Variants in DLGAP2 observed in about 807,000 individuals in gnomAD.
DLGAP2 encodes disks large-associated protein 2.
A neutral mutation model predicts 100.3 loss-of-function variants in DLGAP2; 26 were observed. That is an observed-to-expected ratio of 0.26 (90% confidence interval 0.19 to 0.36). The LOEUF is 0.36. Ranked by LOEUF, DLGAP2 falls within the 10% of genes least tolerant of loss-of-function variation. The pLI is 1.00. For synonymous variants in DLGAP2, 886 were observed against 630.1 expected (o/e 1.41, Z -6.08); for missense variants, 1,858 against 1,453.2 (o/e 1.28, Z -4.53).
chr8:1,161,650 G>A (rs888927566), intron 2 of DLGAP2, among the ~76,000 whole-genome samples: 3 of 152,198 alleles, frequency 2.0e-5, no homozygotes, highest in African/African-American at 7.2e-5. Flanking sequence ...GGGTTTGAAC[G>A]CCTGTAGGGA....
chr8:1,450,562 A>C (rs1050469373), intron 3 of DLGAP2, among the ~76,000 whole-genome samples: 1 of 151,876 alleles, frequency 6.6e-6, no homozygotes, highest in African/African-American at 2.4e-5. Context: ...GGCTGGCAGG[A>C]CTCGCCTTTC....
At chr8:1,579,191 C>G (rs906430747) in intron 6 of DLGAP2, among the ~76,000 whole-genome samples, 1 of 151,994 alleles carries the variant, frequency 6.6e-6, no homozygotes, top group African/African-American at 2.4e-5. Context: ...CTGGGTCATT[C>G]TCTAATGAAG....
intron 2 of DLGAP2, among the ~76,000 whole-genome samples, chr8:1,005,668 C>G (rs1321299930): frequency 1.3e-5 from 2 of 151,700 alleles, no homozygotes; most frequent in Non-Finnish European, 2.9e-5. Context: ...GATTCTCCTG[C>G]CTTGGACTCC....
intron 3 of DLGAP2, among the ~76,000 whole-genome samples, chr8:1,435,964 G>A (rs1242742340): frequency 6.6e-6 from 1 of 152,150 alleles, no homozygotes; most frequent in Non-Finnish European, 1.5e-5. Flanking sequence ...GCTGTACAAT[G>A]CATTTGTGTT....
chr8:1,131,152 A>G (rs528027081), intron 2 of DLGAP2, among the ~76,000 whole-genome samples: 1 of 152,102 alleles, frequency 6.6e-6, no homozygotes, highest in Non-Finnish European at 1.5e-5. Flanking sequence ...CTACCTTCAC[A>G]CGGTTCTCTG....
At chr8:861,857 T>C (rs952782200) in intron 1 of DLGAP2, among the ~76,000 whole-genome samples, 3 of 152,234 alleles carry the variant, frequency 2.0e-5, no homozygotes, top group Non-Finnish European at 4.4e-5. Flanking sequence ...CTTTATTCTT[T>C]GTTGATGATT....
intron 2 of DLGAP2, among the ~76,000 whole-genome samples, chr8:957,684 C>T (rs1799627239): frequency 6.6e-6 from 1 of 152,190 alleles, no homozygotes; most frequent in Non-Finnish European, 1.5e-5. Flanking sequence ...TCTCTAATGC[C>T]TTACCCTTGT....
intron 3 of DLGAP2, among the ~76,000 whole-genome samples, chr8:1,422,572 A>AG (rs201273578): frequency 2.6e-5 from 4 of 151,526 alleles, no homozygotes; most frequent in Non-Finnish European, 5.9e-5. Flanking sequence ...AAAAAAAAAA[A>AG]AAAAAGGTGT....
rs186505211 is a variant in DLGAP2 at position 1,414,639 on chromosome 8, C to T, written c.107-86727C>T. ...GCCCGGCAGCTGTCTCTGAGGATCCCGCCATCTACGCACGTCCAGGCGTCC... is the reference window on the plus strand; with the variant it reads ...GCCCGGCAGCTGTCTCTGAGGATCCTGCCATCTACGCACGTCCAGGCGTCC... On this transcript the variant is annotated intron_variant, in intron 3 of 14. Transcript: ENST00000637795. Among the ~76,000 whole-genome samples, 170 of 152,336 alleles carry T rather than the reference C, an allele frequency of 1.1e-3. 2 individuals carry two copies. Among genetic ancestry groups the T allele is most frequent in the African/African-American group, 3.6e-3 (151 of 41,578 alleles).
At chr8:1,250,127 C>A (rs1799005249) in intron 2 of DLGAP2, among the ~76,000 whole-genome samples, 1 of 152,192 alleles carries the variant, frequency 6.6e-6, no homozygotes, top group Non-Finnish European at 1.5e-5. Flanking sequence ...GATCTGCCTG[C>A]CTCAGCCTCC....
chr8:984,107 G>A (rs1800419691), intron 2 of DLGAP2, among the ~76,000 whole-genome samples: 1 of 152,160 alleles, frequency 6.6e-6, no homozygotes, highest in Non-Finnish European at 1.5e-5. Context: ...CCTCGTAGCA[G>A]GAAACTGTTT....
intron 2 of DLGAP2, among the ~76,000 whole-genome samples, chr8:1,087,925 G>T (rs1325411658): frequency 2.0e-5 from 3 of 152,224 alleles, no homozygotes; most frequent in Non-Finnish European, 4.4e-5. Context: ...CCCTGGCACA[G>T]TCCGCCCTCA....
At chr8:1,443,542 C>G (rs1349030115) in intron 3 of DLGAP2, among the ~76,000 whole-genome samples, 1 of 152,170 alleles carries the variant, frequency 6.6e-6, no homozygotes, top group Non-Finnish European at 1.5e-5. Flanking sequence ...TAAAGACAAA[C>G]CTGAGACTGG....
intron 8 of DLGAP2, among the ~76,000 whole-genome samples, chr8:1,644,616 G>C (rs998458596): frequency 6.6e-6 from 1 of 152,210 alleles, no homozygotes; most frequent in African/African-American, 2.4e-5. Flanking sequence ...CCCTGACCAG[G>C]AGCTCCAGCC....
intron 2 of DLGAP2, among the ~76,000 whole-genome samples, chr8:1,240,940 GGCGCCGTGTCT>G (rs1798778579): frequency 1.1e-4 from 1 of 9,294 alleles, no homozygotes; most frequent in Non-Finnish European, 2.6e-4. Flanking sequence ...TCTCTCACAT[GGCGCCGTGTCT>G]AGTTCTCTTA....
chr8:1,176,525 C>A (rs181430363), intron 2 of DLGAP2, among the ~76,000 whole-genome samples: 1 of 152,266 alleles, frequency 6.6e-6, no homozygotes, highest in African/African-American at 2.4e-5. Flanking sequence ...CCTGCCCTCA[C>A]AGCCGCCCTG....
In DLGAP2 at chr8:1,417,132, C is replaced by G. The variant is rs1047421381; in HGVS notation, c.107-84234C>G. Among the ~76,000 whole-genome samples, 21 of 151,416 alleles carry G rather than the reference C, an allele frequency of 1.4e-4. 1 individual carries two copies. The highest frequency in any genetic ancestry group is 5.1e-4 in the African/African-American group (21 of 41,130). On this transcript the variant is annotated intron_variant, in intron 3 of 14. Transcript: ENST00000637795. ...GGGAGACCCCCGTTCATTCATTTAG[C>G]GTCTGAGGCGGGGGAGACTCTGAGT...
chr8:1,047,533 A>C (rs1802549482), intron 2 of DLGAP2, among the ~76,000 whole-genome samples: 1 of 152,186 alleles, frequency 6.6e-6, no homozygotes, highest in Admixed American at 6.5e-5. Flanking sequence ...GCTGCCACAG[A>C]ATAGCCTGGA....
chr8:1,366,458 T>C (rs931177787), intron 3 of DLGAP2, among the ~76,000 whole-genome samples: 1 of 152,128 alleles, frequency 6.6e-6, no homozygotes, highest in Non-Finnish European at 1.5e-5. Flanking sequence ...TGGGTCCCCA[T>C]CTGAAGTGGG....
Sources: allele counts gnomAD v4.1 joint callset (sites outside exome capture counted in the v4.1 genomes callset), GRCh38; gene constraint gnomAD v4.1.1; transcripts MANE v1.5; gene names NCBI Gene and HGNC (gene_info 2026-07-23, HGNC 2026-07-21).